The following FTCDNL1 variants were observed in gnomAD, a reference collection of about 807,000 sequenced individuals.
The protein encoded by FTCDNL1 is formiminotransferase N-terminal subdomain-containing protein.
Under a neutral mutation model 5.9 loss-of-function variants are expected in FTCDNL1, and 11 were observed. The ratio of observed to expected loss-of-function variants is 1.87; its 90% CI spans 1.18 to 3.10. The LOEUF is 3.10. FTCDNL1 is among the 30% of genes most tolerant of loss of function. The pLI is 0.00. For synonymous variants in FTCDNL1, 58 were observed against 24.8 expected (o/e 2.34, Z -3.99); for missense variants, 115 against 65.5 (o/e 1.76, Z -2.61).
At chr2:199,731,514 A>T in the FTCDNL1 span, among the ~76,000 whole-genome samples, 4 of 152,216 alleles carry the variant, frequency 2.6e-5, no homozygotes, top group African/African-American at 9.7e-5. Context: ...CATCATTAAC[A>T]TAACAGTTGT....
At chr2:199,830,710 A>G (rs1702315055) in intron 3 of FTCDNL1, among the ~76,000 whole-genome samples, 1 of 152,186 alleles carries the variant, frequency 6.6e-6, no homozygotes, top group Admixed American at 6.6e-5. Flanking sequence ...AAGCGACCGC[A>G]ATATTCCTCC....
chr2:199,842,075 A>G (rs904690824), intron 3 of FTCDNL1, among the ~76,000 whole-genome samples: 3 of 151,706 alleles, frequency 2.0e-5, no homozygotes, highest in South Asian at 2.1e-4. Flanking sequence ...CCTGGCTAAC[A>G]TGGCAAAACC....
In FTCDNL1 at chr2:199,851,176, C is replaced by T. The variant is rs2076869379; in HGVS notation, c.-444G>A. ...GCCGCCGCGCGTGGCCCGCGCGCAG[C>T]GTCTGCCGCCGGCTCCGCCTCCCGG... On this transcript the variant is annotated 5_prime_UTR_variant, in exon 1 of 5. Transcript: ENST00000420128. The T allele has an allele frequency of 1.3e-5, 2 of 149,064 alleles. No homozygotes were observed. Among genetic ancestry groups the T allele is most frequent in the Non-Finnish European group, 3.0e-5 (2 of 66,936 alleles). The allele number at this position is 149,064 out of a possible 1,614,324, so 9.2% of individuals were successfully genotyped here.
chr2:199,753,527 G>A, the FTCDNL1 span, among the ~76,000 whole-genome samples: 3 of 152,148 alleles, frequency 2.0e-5, no homozygotes, highest in African/African-American at 7.2e-5. Flanking sequence ...TAATTATGTT[G>A]GCTACCTCCA....
the FTCDNL1 span, among the ~76,000 whole-genome samples, chr2:199,706,161 C>G: frequency 6.6e-6 from 1 of 152,156 alleles, no homozygotes; most frequent in Admixed American, 6.5e-5. Context: ...CTGCTATTCC[C>G]TGAATACAGG....
chr2:199,819,740 C>A lies in FTCDNL1; in HGVS notation c.229G>T (p.Val77Leu). ...ACGCTGCAGCCAGGAACATGCAGCACCAGATCCTCAGCAAGGCCTGTGGCA... is the reference window on the plus strand; with the variant it reads ...ACGCTGCAGCCAGGAACATGCAGCAACAGATCCTCAGCAAGGCCTGTGGCA... ...VDKLGLAEDLVLHVPGCSVFL... is the reference protein window; with the variant it reads ...VDKLGLAEDLLLHVPGCSVFL... Residue 77 changes from valine (V) to leucine (L), a missense_variant, in exon 4 of 5, where the codon GTG becomes TTG. Transcript: ENST00000420128. The A allele has an allele frequency of 1.4e-6, 1 of 701,674 alleles. No homozygotes were observed. The highest frequency in any genetic ancestry group is 2.6e-6 in the Non-Finnish European group (1 of 384,374). 43.5% of individuals were successfully genotyped at this position (701,674 alleles called of 1,614,324 possible).
chr2:199,729,065 G>C, the FTCDNL1 span, among the ~76,000 whole-genome samples: 3 of 152,188 alleles, frequency 2.0e-5, no homozygotes, highest in African/African-American at 7.2e-5. Context: ...GCCACTGAGG[G>C]AATGAGCTTC....
At chr2:199,737,385 C>T in the FTCDNL1 span, among the ~76,000 whole-genome samples, 1 of 152,140 alleles carries the variant, frequency 6.6e-6, no homozygotes, top group Non-Finnish European at 1.5e-5. Context: ...TAGAATTTCC[C>T]AGATTGCCTT....
chr2:199,670,787 G>A, the FTCDNL1 span, among the ~76,000 whole-genome samples: 5 of 152,240 alleles, frequency 3.3e-5, no homozygotes, highest in East Asian at 1.9e-4. Context: ...GAGATGCACA[G>A]GCAGAGTCAG....
chr2:199,741,929 G>T, the FTCDNL1 span, among the ~76,000 whole-genome samples: 1 of 152,132 alleles, frequency 6.6e-6, no homozygotes, highest in African/African-American at 2.4e-5. Context: ...TACAGTTTAT[G>T]TAATATTGGC....
At chr2:199,742,962 C>T in the FTCDNL1 span, among the ~76,000 whole-genome samples, 7 of 152,158 alleles carry the variant, frequency 4.6e-5, no homozygotes, top group African/African-American at 1.7e-4. Context: ...AATAAGCGAG[C>T]ATTATAAAGA....
the FTCDNL1 span, among the ~76,000 whole-genome samples, chr2:199,704,361 C>G: frequency 2.6e-5 from 4 of 152,132 alleles, no homozygotes; most frequent in Admixed American, 6.5e-5. Context: ...GCATACTACC[C>G]TACATGGTCC....
intron 3 of FTCDNL1, among the ~76,000 whole-genome samples, chr2:199,787,187 C>CT (rs542150293): frequency 0.01 from 1,543 of 148,562 alleles, 10 homozygotes; most frequent in Middle Eastern, 0.025. Flanking sequence ...CTTTTCTTTT[C>CT]TTTTTTTTTT....
intron 3 of FTCDNL1, among the ~76,000 whole-genome samples, chr2:199,800,315 T>C (rs1472922013): frequency 6.6e-6 from 1 of 152,164 alleles, no homozygotes; most frequent in Non-Finnish European, 1.5e-5. Flanking sequence ...TTTCTGTACC[T>C]GTAGAGTGGG....
At chr2:199,708,184 T>G in the FTCDNL1 span, among the ~76,000 whole-genome samples, 1 of 152,138 alleles carries the variant, frequency 6.6e-6, no homozygotes, top group African/African-American at 2.4e-5. Flanking sequence ...ACCACTTTTT[T>G]ATTCTACATT....
the FTCDNL1 span, among the ~76,000 whole-genome samples, chr2:199,703,239 T>A: frequency 4.6e-5 from 7 of 151,020 alleles, no homozygotes; most frequent in African/African-American, 7.3e-5. Context: ...CAGAGTGTGA[T>A]GTTCCGACTC....
the FTCDNL1 span, among the ~76,000 whole-genome samples, chr2:199,677,211 T>C: frequency 2.6e-5 from 4 of 152,188 alleles, no homozygotes; most frequent in African/African-American, 7.2e-5. Context: ...CATGTTACAT[T>C]TCCCTAAGGC....
chr2:199,773,436 C>T (rs996188128), intron 3 of FTCDNL1, among the ~76,000 whole-genome samples: 6 of 152,134 alleles, frequency 3.9e-5, no homozygotes, highest in African/African-American at 1.4e-4. Context: ...TGTCTGAGTA[C>T]TACTCTTTCC....
the FTCDNL1 span, among the ~76,000 whole-genome samples, chr2:199,722,146 C>T: frequency 6.6e-6 from 1 of 152,098 alleles, no homozygotes; most frequent in African/African-American, 2.4e-5. Flanking sequence ...TCTCATTTGT[C>T]AATTTTTGCT....
Sources: allele counts gnomAD v4.1 joint callset (sites outside exome capture counted in the v4.1 genomes callset), GRCh38; gene constraint gnomAD v4.1.1; transcripts MANE v1.5; gene names NCBI Gene and HGNC (gene_info 2026-07-23, HGNC 2026-07-21).